The following COL28A1 variants were observed in gnomAD, a reference collection of about 807,000 sequenced individuals.
The protein encoded by COL28A1 is collagen type XXVIII alpha 1 chain.
COL28A1 carries 161 observed loss-of-function variants against 150.2 expected under a neutral mutation model. That is an observed-to-expected ratio of 1.07 (90% confidence interval 0.94 to 1.22). The LOEUF (loss-of-function observed/expected upper bound fraction) is 1.22. Ranked by LOEUF, COL28A1 falls within the 50% of genes most tolerant of loss-of-function variation. COL28A1 has a pLI of 0.00. For missense variants in COL28A1, 1,617 were observed against 1,388.3 expected, an observed-to-expected ratio of 1.16 and a Z score of -2.62; for synonymous variants, 552 against 469.7, an observed-to-expected ratio of 1.18 and a Z score of -2.26.
chr7:7,522,196 A>C (rs1403928038), intron 4 of COL28A1: 1 of 530,172 alleles, frequency 1.9e-6, no homozygotes, highest in East Asian at 3.4e-5. Flanking sequence ...ATACCTACCA[A>C]GAGCTAGCTA....
At chr7:7,384,590 G>T (rs566840466) in intron 27 of COL28A1, among the ~76,000 whole-genome samples, 18 of 152,010 alleles carry the variant, frequency 1.2e-4, no homozygotes, top group Non-Finnish European at 2.4e-4. Context: ...TTTAAATTAG[G>T]CCTTATTATA....
In COL28A1 at chr7:7,417,906, A is replaced by G. The variant is rs757226785; in HGVS notation, c.2089T>C (p.Leu697=). The part of the protein sequence containing the change: ...GPKGDTGQKG[L]PGPPGPPGYG... ...CCAGGGGGGCCAGGAGGGCCAGGCA[A>G]GCCTTTCTGCCCAGTATCACCCTGT... Residue 697 remains leucine, a synonymous_variant, in exon 27 of 35, where the codon TTG becomes CTG. Transcript: ENST00000399429. 4 of 1,613,550 alleles carry G rather than the reference A, an allele frequency of 2.5e-6. No individual in the cohort carries two copies. Among genetic ancestry groups the G allele is most frequent in the East Asian group, 4.5e-5 (2 of 44,866 alleles).
At chr7:7,409,460 GA>G (rs1300968003) in intron 27 of COL28A1, among the ~76,000 whole-genome samples, 5 of 150,548 alleles carry the variant, frequency 3.3e-5, no homozygotes, top group South Asian at 4.2e-4. Context: ...GAAAAGGAGA[GA>G]AAAAAAACCA....
chr7:7,417,879 A>AGCCAGGGGG lies in COL28A1; in HGVS notation c.2107_2115dup (p.Pro703_Gly705dup). ...CTTACTTTAATTCCCTGTGATCCAT[A>AGCCAGGGGG]GCCAGGGGGGCCAGGAGGGCCAGGC... On this transcript the variant is annotated inframe_insertion, in exon 27 of 35. Coordinates refer to ENST00000399429, the MANE Select transcript of COL28A1 (RefSeq NM_001037763.3). The AGCCAGGGGG allele has an allele frequency of 6.2e-7, 1 of 1,613,472 alleles. No individual in the cohort carries two copies. Among genetic ancestry groups the AGCCAGGGGG allele is most frequent in the Non-Finnish European group, 8.5e-7 (1 of 1,179,704 alleles).
chr7:7,441,038 C>T (rs749008620), intron 20 of COL28A1, among the ~76,000 whole-genome samples, 177 bp from the exon 21 acceptor site: 1 of 152,214 alleles, frequency 6.6e-6, no homozygotes. Context: ...CAGATGACTT[C>T]AGATTGTTCA....
chr7:7,411,843 C>G (rs1415783140), intron 27 of COL28A1, among the ~76,000 whole-genome samples: 1 of 152,140 alleles, frequency 6.6e-6, no homozygotes, highest in East Asian at 1.9e-4. Flanking sequence ...CGGGCTAAAC[C>G]CAGTCCTTAT....
the COL28A1 span, among the ~76,000 whole-genome samples, chr7:7,348,286 G>C: frequency 2.0e-5 from 3 of 152,132 alleles, no homozygotes; most frequent in East Asian, 5.8e-4. Context: ...TAAGGGGGAG[G>C]TGAAGAGCTC....
chr7:7,455,262 G>C (rs1293920087), intron 16 of COL28A1, among the ~76,000 whole-genome samples: 1 of 152,170 alleles, frequency 6.6e-6, no homozygotes, highest in Non-Finnish European at 1.5e-5. Context: ...AACTGAATTT[G>C]TGGGTTGCTT....
In COL28A1 at chr7:7,417,812, A is replaced by C. The variant is rs76081040; in HGVS notation, c.2136+47T>G. ...TTATCTACAACCTCTTCTCCCAATC[A>C]CTCTGGTGAAATCAGAGGTGACTCC... On this transcript the variant is annotated intron_variant, in intron 27 of 34. Coordinates refer to ENST00000399429, the MANE Select transcript of COL28A1 (RefSeq NM_001037763.3). 9,952 of 1,494,248 alleles carry C rather than the reference A, an allele frequency of 6.7e-3. 505 individuals are homozygous for C. In the African/African-American group the frequency reaches 0.12, roughly 18 times the overall value. The allele number at this position is 1,494,248 out of a possible 1,614,324, so 92.6% of individuals were successfully genotyped here. A position where few individuals can be genotyped will look rare whatever the true frequency, so the allele number is the denominator to read the frequency against.
intron 15 of COL28A1, among the ~76,000 whole-genome samples, chr7:7,458,636 T>C (rs1787361994): frequency 6.6e-6 from 1 of 152,218 alleles, no homozygotes; most frequent in African/African-American, 2.4e-5. Context: ...AGCTGGACTA[T>C]TTTGATTCAG....
At chr7:7,461,008 G>T (rs1197529052) in intron 15 of COL28A1, among the ~76,000 whole-genome samples, 2 of 152,170 alleles carry the variant, frequency 1.3e-5, no homozygotes, top group Admixed American at 6.5e-5. Flanking sequence ...CATTTGGAAA[G>T]CCAAGAAAAC....
chr7:7,377,820 A>AAC (rs975001157), intron 30 of COL28A1, among the ~76,000 whole-genome samples: 1 of 151,594 alleles, frequency 6.6e-6, no homozygotes, highest in Non-Finnish European at 1.5e-5. Context: ...AAAAAAAAAA[A>AAC]AAACCAGACA....
intron 32 of COL28A1, 27 bp from the exon 33 acceptor site, chr7:7,370,909 G>T (rs1250844305): frequency 6.7e-7 from 1 of 1,489,556 alleles, no homozygotes; most frequent in Non-Finnish European, 9.3e-7. Context: ...AGAAAAGAGA[G>T]ATAGTAGAAG....
rs1285424104 is a variant in COL28A1 at position 7,375,819 on chromosome 7, GCA to G, written c.2323-324_2323-323del. Among the ~76,000 whole-genome samples the G allele has an allele frequency of 2.0e-5, 3 of 152,296 alleles. No homozygotes were observed. The East Asian group carries it at 5.8e-4, about 29-fold the overall frequency. On this transcript the variant is annotated intron_variant, in intron 30 of 34. Coordinates refer to ENST00000399429, the MANE Select transcript of COL28A1 (RefSeq NM_001037763.3). ...TATGGTATGGATTAATCAATGTTAT[GCA>G]CACATTAGCACAGGGTCTGGCAACT...
At chr7:7,499,278 A>G (rs951567704) in intron 11 of COL28A1, among the ~76,000 whole-genome samples, 2 of 152,162 alleles carry the variant, frequency 1.3e-5, no homozygotes, top group African/African-American at 4.8e-5. Context: ...ACAGTTATTT[A>G]TAATTAAAAT....
At chr7:7,429,146 C>A (rs1242231995) in intron 25 of COL28A1, among the ~76,000 whole-genome samples, 1 of 152,134 alleles carries the variant, frequency 6.6e-6, no homozygotes, top group African/African-American at 2.4e-5. Flanking sequence ...CTTAAGGCCA[C>A]AATTTTAAGG....
intron 33 of COL28A1, among the ~76,000 whole-genome samples, chr7:7,362,164 G>T (rs1780702432): frequency 6.6e-6 from 1 of 152,122 alleles, no homozygotes; most frequent in Non-Finnish European, 1.5e-5. Flanking sequence ...ATGTATCCCA[G>T]AACTTAAAGT....
At chr7:7,529,085 T>A (rs993293797) in intron 3 of COL28A1, among the ~76,000 whole-genome samples, 2 of 151,932 alleles carry the variant, frequency 1.3e-5, no homozygotes, top group African/African-American at 4.8e-5. Flanking sequence ...GCAGATCACC[T>A]GAGGTCAGGA....
Position 7,444,419 on chromosome 7 carries a change from T to G in COL28A1, c.1580A>C (p.Lys527Thr), listed in dbSNP as rs1325985938. 2 of 1,614,058 alleles carry G rather than the reference T, an allele frequency of 1.2e-6. No individual in the cohort carries two copies. The highest frequency in any genetic ancestry group is 1.7e-6 in the Non-Finnish European group (2 of 1,179,964). Reference protein sequence around the residue: ...VPGEDGAAGKKGEAGLPGARG... With the variant: ...VPGEDGAAGKTGEAGLPGARG... ...GTAATACGAAAAACTTGGTGTTACC[T>G]TCTTCCCTGCAGCTCCATCTTCTCC... Residue 527 changes from lysine to threonine, a missense_variant and splice_region_variant, in exon 19 of 35, where the codon AAG (lysine) becomes ACG (threonine). Transcript: ENST00000399429.
Sources: gnomAD v4.1 joint callset for allele counts (sites outside exome capture counted in the v4.1 genomes callset) on GRCh38, gnomAD v4.1.1 for gene constraint, MANE v1.5 for transcripts, NCBI Gene and HGNC (gene_info 2026-07-23, HGNC 2026-07-21) for gene names.